Variants in GRIP1 observed in about 807,000 individuals in gnomAD.
GRIP1 encodes glutamate receptor-interacting protein 1.
GRIP1 carries 45 observed loss-of-function variants against 129.9 expected under a neutral mutation model. The ratio of observed to expected loss-of-function variants is 0.35; its 90% CI spans 0.27 to 0.44. The LOEUF (loss-of-function observed/expected upper bound fraction) is 0.44, where lower values mean the gene tolerates loss of function less well. GRIP1 is among the 20% of genes least tolerant of loss of function. The probability of loss-of-function intolerance (pLI) is 1.00; values close to 1 mark genes in which losing one functional copy is unlikely to be tolerated. For synonymous variants in GRIP1, 530 were observed against 520.8 expected, an observed-to-expected ratio of 1.02 and a Z score of -0.24; for missense variants, 1,196 against 1,396.8, an observed-to-expected ratio of 0.86 and a Z score of 2.29.
chr12:66,680,328 T>G (rs1322984526), upstream of GRIP1, among the ~76,000 whole-genome samples: 2 of 152,172 alleles, frequency 1.3e-5, no homozygotes, highest in African/African-American at 4.8e-5. Context: ...ACAATTTCAA[T>G]CCACTGCTAT....
At chr12:66,509,615 C>A (rs1473566106) in intron 7 of GRIP1, among the ~76,000 whole-genome samples, 1 of 151,972 alleles carries the variant, frequency 6.6e-6, no homozygotes, top group African/African-American at 2.4e-5. Context: ...TATTATGCAG[C>A]CATAAAAAGG....
chr12:66,988,933 T>A (rs11176520), intron 1 of GRIP1, among the ~76,000 whole-genome samples: 2,831 of 152,292 alleles, frequency 0.019, 91 homozygotes, highest in African/African-American at 0.064. Context: ...ATAGGCAAGC[T>A]AAATGCTGAT....
chr12:66,621,769 G>GT (rs1258454698), intron 1 of GRIP1, among the ~76,000 whole-genome samples: 1 of 152,038 alleles, frequency 6.6e-6, no homozygotes, highest in Admixed American at 6.6e-5. Context: ...GCTATTTTCT[G>GT]TTTTTTAATA....
intron 7 of GRIP1, among the ~76,000 whole-genome samples, chr12:66,486,954 C>T (rs1011011672): frequency 5.9e-5 from 9 of 151,954 alleles, no homozygotes; most frequent in African/African-American, 1.7e-4. Context: ...CTGCACCCAA[C>T]GAATTTTTAA....
At chr12:66,736,988 C>CA in intron 1 of GRIP1, among the ~76,000 whole-genome samples, 1 of 150,124 alleles carries the variant, frequency 6.7e-6, no homozygotes, top group Admixed American at 6.7e-5. Flanking sequence ...TGCAGACTGA[C>CA]AACTATTCAT....
chr12:66,859,019 C>A (rs1171029884), intron 1 of GRIP1, among the ~76,000 whole-genome samples: 1 of 151,704 alleles, frequency 6.6e-6, no homozygotes, highest in Non-Finnish European at 1.5e-5. Context: ...CTTAGTTTTC[C>A]TATTACATAA....
At chr12:67,037,753 T>C (rs2043120780) in intron 1 of GRIP1, among the ~76,000 whole-genome samples, 7 of 152,200 alleles carry the variant, frequency 4.6e-5, no homozygotes, top group Admixed American at 4.6e-4. Context: ...TATTCAATCA[T>C]TTGTTCTCGA....
At chr12:66,781,803 G>C (rs895443331) in intron 1 of GRIP1, among the ~76,000 whole-genome samples, 1 of 152,156 alleles carries the variant, frequency 6.6e-6, no homozygotes, top group Admixed American at 6.5e-5. Flanking sequence ...CAGATAATCA[G>C]AAACCTTCTT....
At chr12:66,466,654 CCA>C (rs2059295676) in intron 7 of GRIP1, among the ~76,000 whole-genome samples, 1 of 152,150 alleles carries the variant, frequency 6.6e-6, no homozygotes, top group Non-Finnish European at 1.5e-5. Context: ...GGTATCTTTT[CCA>C]CAGTGTTTAT....
At chr12:66,415,366 T>C (rs959836184) in intron 15 of GRIP1, among the ~76,000 whole-genome samples, 11 of 152,260 alleles carry the variant, frequency 7.2e-5, no homozygotes, top group South Asian at 2.1e-4. Flanking sequence ...GAAATCATAA[T>C]GAGATATCAT....
At chr12:66,894,275 G>T (rs973855086) in intron 1 of GRIP1, among the ~76,000 whole-genome samples, 1 of 152,084 alleles carries the variant, frequency 6.6e-6, no homozygotes, top group African/African-American at 2.4e-5. Flanking sequence ...TCTCTCCTCA[G>T]GTTCTTCAGT....
intron 1 of GRIP1, among the ~76,000 whole-genome samples, chr12:66,877,259 A>C (rs1489933715): frequency 6.6e-6 from 1 of 152,098 alleles, no homozygotes; most frequent in Non-Finnish European, 1.5e-5. Flanking sequence ...GTCATGCTTT[A>C]AGCATTTATA....
chr12:66,554,359 A>C (rs759257845), intron 2 of GRIP1, among the ~76,000 whole-genome samples: 9 of 152,216 alleles, frequency 5.9e-5, no homozygotes, highest in Non-Finnish European at 1.3e-4. Flanking sequence ...TTCTGACTTA[A>C]GAGCTCTTGG....
At chr12:66,969,619 G>A (rs960833929) in intron 1 of GRIP1, among the ~76,000 whole-genome samples, 1 of 152,022 alleles carries the variant, frequency 6.6e-6, no homozygotes, top group Non-Finnish European at 1.5e-5. Context: ...GTCTCACTAT[G>A]TTGCCCAGGC....
chr12:66,767,326 A>G (rs2037672283), intron 1 of GRIP1, among the ~76,000 whole-genome samples: 1 of 152,140 alleles, frequency 6.6e-6, no homozygotes, highest in Non-Finnish European at 1.5e-5. Flanking sequence ...GGAGGGGAGA[A>G]AGGAAGCAGT....
At chr12:66,943,134 T>A (rs922380443) in intron 1 of GRIP1, among the ~76,000 whole-genome samples, 1 of 152,242 alleles carries the variant, frequency 6.6e-6, no homozygotes, top group African/African-American at 2.4e-5. Context: ...TAATCTTATC[T>A]AGAATCTATT....
intron 5 of GRIP1, among the ~76,000 whole-genome samples, chr12:66,520,336 C>T (rs1333146145): frequency 1.3e-5 from 2 of 152,154 alleles, no homozygotes; most frequent in Admixed American, 6.5e-5. Flanking sequence ...CCAGATGGAC[C>T]TCTAACTAAT....
intron 1 of GRIP1, among the ~76,000 whole-genome samples, chr12:66,881,198 A>G (rs1255236994): frequency 6.6e-6 from 1 of 152,132 alleles, no homozygotes; most frequent in Non-Finnish European, 1.5e-5. Context: ...GAGAGAAAAA[A>G]AGAGAAAAAG....
chr12:66,757,789 T>C (rs968203556), intron 1 of GRIP1, among the ~76,000 whole-genome samples: 22 of 152,198 alleles, frequency 1.4e-4, no homozygotes, highest in African/African-American at 5.3e-4. Context: ...AAAGCCATTT[T>C]AACTGGGGTA....
Sources: allele counts gnomAD v4.1 joint callset (sites outside exome capture counted in the v4.1 genomes callset), GRCh38; gene constraint gnomAD v4.1.1; transcripts MANE v1.5; gene names NCBI Gene and HGNC (gene_info 2026-07-23, HGNC 2026-07-21).